SNTG1: variants seen among roughly 807,000 people sequenced by gnomAD.
SNTG1 encodes syntrophin gamma 1.
Under a neutral mutation model 74.7 loss-of-function variants are expected in SNTG1, and 39 were observed. The observed-to-expected ratio is 0.52, with a 90% confidence interval of 0.40 to 0.68. The LOEUF (loss-of-function observed/expected upper bound fraction) is 0.68. Ranked by LOEUF, SNTG1 falls within the 30% of genes least tolerant of loss-of-function variation. The probability of loss-of-function intolerance (pLI) is 0.00; values close to 1 mark genes in which losing one functional copy is unlikely to be tolerated. For synonymous variants in SNTG1, 254 were observed against 217.1 expected, an observed-to-expected ratio of 1.17 and a Z score of -1.49; for missense variants, 685 against 609.5, an observed-to-expected ratio of 1.12 and a Z score of -1.30.
At chr8:50,066,805 G>C (rs1009414370) in intron 1 of SNTG1, among the ~76,000 whole-genome samples, 2 of 152,102 alleles carry the variant, frequency 1.3e-5, no homozygotes, top group Admixed American at 6.6e-5. Flanking sequence ...CGTTGACTTT[G>C]TACCGTTATA....
At chr8:50,151,894 G>T (rs1563665344) in intron 1 of SNTG1, among the ~76,000 whole-genome samples, 1 of 152,176 alleles carries the variant, frequency 6.6e-6, no homozygotes, top group African/African-American at 2.4e-5. Context: ...CTGTTGATTT[G>T]GGGTGGAGAG....
chr8:50,625,058 T>C (rs2094947855), intron 13 of SNTG1, among the ~76,000 whole-genome samples: 1 of 152,318 alleles, frequency 6.6e-6, no homozygotes, highest in East Asian at 1.9e-4. Context: ...TTCTCTATTA[T>C]AATATCACTA....
chr8:50,044,983 C>T (rs1018582428), intron 1 of SNTG1, among the ~76,000 whole-genome samples: 3 of 152,038 alleles, frequency 2.0e-5, no homozygotes, highest in African/African-American at 7.2e-5. Context: ...TAGATGATAG[C>T]TAGATAGATA....
At chr8:50,605,522 C>CA (rs1243558738) in intron 13 of SNTG1, among the ~76,000 whole-genome samples, 8 of 152,028 alleles carry the variant, frequency 5.3e-5, no homozygotes, top group African/African-American at 1.9e-4. Context: ...GACAGTGCAG[C>CA]AAAACAGTTC....
At chr8:50,109,619 G>A (rs992978611) in intron 1 of SNTG1, among the ~76,000 whole-genome samples, 1 of 152,166 alleles carries the variant, frequency 6.6e-6, no homozygotes, top group Non-Finnish European at 1.5e-5. Context: ...AAATAACTGA[G>A]CCATTGAGTG....
chr8:50,277,104 AG>A lies in SNTG1; in HGVS notation c.-28+104471del. On this transcript the variant is annotated intron_variant, in intron 2 of 18. Transcript: ENST00000642720. ...CGGCCTCCCAGAGTGCTGGGATTAC[AG>A]GCGTGAGCCACAGCACCTGGCCAAA... Among the ~76,000 whole-genome samples the A allele has an allele frequency of 1.3e-5, 2 of 152,112 alleles. 1 individual carries two copies. Among genetic ancestry groups the A allele is most frequent in the East Asian group, 3.9e-4 (2 of 5,182 alleles).
At chr8:49,956,898 A>T (rs931237373) in intron 1 of SNTG1, among the ~76,000 whole-genome samples, 13 of 152,140 alleles carry the variant, frequency 8.5e-5, no homozygotes, top group Non-Finnish European at 1.8e-4. Context: ...GCTTTATTTC[A>T]GCCAGATATA....
intron 4 of SNTG1, among the ~76,000 whole-genome samples, chr8:50,422,126 T>A (rs2093096197): frequency 6.6e-6 from 1 of 152,182 alleles, no homozygotes; most frequent in African/African-American, 2.4e-5. Context: ...ATGCAAATTT[T>A]CTTCACAAAA....
intron 1 of SNTG1, among the ~76,000 whole-genome samples, chr8:50,139,850 A>G (rs2081598326): frequency 6.6e-6 from 1 of 152,354 alleles, no homozygotes; most frequent in South Asian, 2.1e-4. Flanking sequence ...AAAGGAGATG[A>G]GAACATTTGC....
intron 8 of SNTG1, among the ~76,000 whole-genome samples, chr8:50,470,487 G>A (rs543465773): frequency 1.3e-5 from 2 of 152,222 alleles, no homozygotes; most frequent in African/African-American, 2.4e-5. Context: ...TGGTCTTCCC[G>A]ACTTCAGGAG....
intron 15 of SNTG1, among the ~76,000 whole-genome samples, chr8:50,690,269 T>C (rs2095371918): frequency 6.6e-6 from 1 of 152,170 alleles, no homozygotes; most frequent in Admixed American, 6.5e-5. Context: ...CTGATCTTAG[T>C]TATTTATTGC....
intron 2 of SNTG1, among the ~76,000 whole-genome samples, chr8:50,365,887 T>C (rs1430243567): frequency 1.3e-5 from 2 of 152,168 alleles, no homozygotes; most frequent in Non-Finnish European, 2.9e-5. Context: ...GAAAGCTTTA[T>C]TTTGCAAAAT....
chr8:50,159,238 T>C (rs2082342379), intron 1 of SNTG1, among the ~76,000 whole-genome samples: 1 of 152,196 alleles, frequency 6.6e-6, no homozygotes, highest in Non-Finnish European at 1.5e-5. Context: ...TGCAGTTATG[T>C]TCTATGAGTT....
At chr8:50,529,787 G>A (rs998286872) in intron 9 of SNTG1, among the ~76,000 whole-genome samples, 2 of 152,060 alleles carry the variant, frequency 1.3e-5, no homozygotes, top group East Asian at 1.9e-4. Flanking sequence ...TCTAAGGGTA[G>A]GATTTACCAC....
chr8:50,580,391 C>A (rs1290906141), intron 12 of SNTG1, among the ~76,000 whole-genome samples: 1 of 152,148 alleles, frequency 6.6e-6, no homozygotes, highest in South Asian at 2.1e-4. Context: ...TGAGTTAAGG[C>A]TTTGGGGGAC....
chr8:50,556,596 A>G (rs1038721418), intron 12 of SNTG1, among the ~76,000 whole-genome samples: 1 of 152,218 alleles, frequency 6.6e-6, no homozygotes, highest in Admixed American at 6.6e-5. Flanking sequence ...ATCATTTCTT[A>G]TTAAATAATT....
Position 50,332,372 on chromosome 8 carries a change from G to A in SNTG1, c.-27-61840G>A, listed in dbSNP as rs115555445. On this transcript the variant is annotated intron_variant, in intron 2 of 18. Transcript: ENST00000642720. The stretch of plus-strand genomic sequence containing the variant: ...TGGCTTTCCTCTACAGTGTGCCCTC[G>A]TGTACATCCATGGCCCCCACCAGGC... 3.1e-3 allele frequency among the ~76,000 whole-genome samples: 465 copies of A among 151,808 alleles called. 4 individuals carry two copies. Among genetic ancestry groups the A allele is most frequent in the African/African-American group, 0.011 (449 of 41,372 alleles).
chr8:50,095,194 C>T (rs894443419), intron 1 of SNTG1, among the ~76,000 whole-genome samples: 2 of 152,250 alleles, frequency 1.3e-5, no homozygotes, highest in African/African-American at 4.8e-5. Context: ...TGAAAAACTG[C>T]TTGTTGGGTA....
At chr8:50,366,788 A>G (rs2092124016) in intron 2 of SNTG1, among the ~76,000 whole-genome samples, 1 of 145,932 alleles carries the variant, frequency 6.9e-6, no homozygotes, top group Non-Finnish European at 1.5e-5. Context: ...AATATGGAAG[A>G]TATAATACTA....
Sources: allele counts gnomAD v4.1 joint callset (sites outside exome capture counted in the v4.1 genomes callset), GRCh38; gene constraint gnomAD v4.1.1; transcripts MANE v1.5; gene names NCBI Gene and HGNC (gene_info 2026-07-23, HGNC 2026-07-21).